The following GDA variants were observed in gnomAD, a reference collection of about 807,000 sequenced individuals.
GDA encodes the protein guanine deaminase.
Under a neutral mutation model 59.6 loss-of-function variants are expected in GDA, and 18 were observed. The ratio of observed to expected loss-of-function variants is 0.30; its 90% confidence interval spans 0.21 to 0.45. The LOEUF (loss-of-function observed/expected upper bound fraction) is 0.45, where lower values mean the gene tolerates loss of function less well. Ranked by LOEUF, GDA falls within the 20% of genes least tolerant of loss-of-function variation. The probability of loss-of-function intolerance (pLI) is 1.00; values close to 1 mark genes in which losing one functional copy is unlikely to be tolerated. For synonymous variants in GDA, 201 were observed against 201.1 expected (o/e 1.00, Z 0.00); for missense variants, 427 against 552.3 (o/e 0.77, Z 2.27).
intron 5 of GDA, 145 bp from the exon 6 acceptor site, chr9:72,219,334 C>T (rs1160891949): frequency 2.4e-5 from 13 of 552,798 alleles, no homozygotes; most frequent in South Asian, 8.5e-5. Context: ...ACCCGGGAGG[C>T]GGAGCTTGCA....
intron 6 of GDA, among the ~76,000 whole-genome samples, chr9:72,222,698 G>T (rs779275379): frequency 6.6e-6 from 1 of 151,572 alleles, no homozygotes; most frequent in Admixed American, 6.6e-5. Flanking sequence ...TTTTGTTGTT[G>T]TTTGGTTGGT....
intron 3 of GDA, among the ~76,000 whole-genome samples, chr9:72,203,975 C>A (rs1834346285): frequency 6.6e-6 from 1 of 152,008 alleles, no homozygotes; most frequent in Admixed American, 6.6e-5. Context: ...TGCCACCACA[C>A]CCAGCTAATT....
At chr9:72,234,654 T>G (rs1014570091) in intron 10 of GDA, among the ~76,000 whole-genome samples, 1 of 152,180 alleles carries the variant, frequency 6.6e-6, no homozygotes, top group African/African-American at 2.4e-5. Context: ...CTTTGAAGGG[T>G]AAATCTTTTC....
intron 1 of GDA, among the ~76,000 whole-genome samples, chr9:72,165,001 A>AG (rs1465005432): frequency 6.6e-6 from 1 of 151,820 alleles, no homozygotes; most frequent in Non-Finnish European, 1.5e-5. Flanking sequence ...AAAAAAAAAA[A>AG]AAAATGCTCT....
At chr9:72,127,785 T>TG (rs2130602054) in intron 1 of GDA, among the ~76,000 whole-genome samples, 1 of 152,332 alleles carries the variant, frequency 6.6e-6, no homozygotes, top group South Asian at 2.1e-4. Flanking sequence ...AATGAAATAA[T>TG]GCATGAGACT....
upstream of GDA, among the ~76,000 whole-genome samples, chr9:72,144,412 A>G (rs1826548454): frequency 2.0e-5 from 3 of 152,226 alleles, no homozygotes; most frequent in South Asian, 6.2e-4. Flanking sequence ...GGGAAATGTT[A>G]CAGTAATACT....
At chr9:72,196,835 A>G (rs1166803348) in intron 2 of GDA, among the ~76,000 whole-genome samples, 1 of 151,478 alleles carries the variant, frequency 6.6e-6, no homozygotes, top group African/African-American at 2.4e-5. Flanking sequence ...GAATGAGAAC[A>G]TGCGGTGTTT....
chr9:72,238,653 A>G (rs1839281058), intron 10 of GDA, among the ~76,000 whole-genome samples: 1 of 152,202 alleles, frequency 6.6e-6, no homozygotes, highest in African/African-American at 2.4e-5. Flanking sequence ...CTCTTGCATA[A>G]TTTTGTTAGA....
intron 5 of GDA, among the ~76,000 whole-genome samples, chr9:72,219,085 T>C (rs1836508606): frequency 6.6e-6 from 1 of 152,168 alleles, no homozygotes; most frequent in African/African-American, 2.4e-5. Context: ...GTAAGAATCA[T>C]GTTTTTATCT....
intron 1 of GDA, among the ~76,000 whole-genome samples, chr9:72,195,161 G>A (rs1832998346): frequency 6.6e-6 from 1 of 152,144 alleles, no homozygotes; most frequent in African/African-American, 2.4e-5. Flanking sequence ...TGGTGTCCTT[G>A]CAGGGGGTGA....
intron 13 of GDA, among the ~76,000 whole-genome samples, chr9:72,247,801 C>T (rs1840310490): frequency 6.6e-6 from 1 of 152,202 alleles, no homozygotes; most frequent in African/African-American, 2.4e-5. Context: ...GATGTACTCA[C>T]ATTCAATTCC....
At chr9:72,170,736 C>T (rs1829862284) in intron 1 of GDA, among the ~76,000 whole-genome samples, 2 of 152,174 alleles carry the variant, frequency 1.3e-5, no homozygotes, top group South Asian at 4.1e-4. Flanking sequence ...TGTACCGGCC[C>T]ATGATAGGTG....
chr9:72,157,417 A>G (rs1055911360), intron 1 of GDA, among the ~76,000 whole-genome samples: 10 of 152,294 alleles, frequency 6.6e-5, no homozygotes, highest in South Asian at 2.1e-4. Context: ...TTGCAGCCCA[A>G]TGCACCCTCA....
chr9:72,149,887 T>A (rs1295376518), intron 1 of GDA, among the ~76,000 whole-genome samples: 1 of 152,026 alleles, frequency 6.6e-6, no homozygotes, highest in Non-Finnish European at 1.5e-5. Context: ...TTCCCAGAAG[T>A]CGGGAGCAGT....
chr9:72,225,708 A>G lies in GDA; in HGVS notation c.746A>G (p.Glu249Gly). The G allele has an allele frequency of 6.5e-7, 1 of 1,539,472 alleles. No individual in the cohort carries two copies. The highest frequency in any genetic ancestry group is 8.9e-7 in the Non-Finnish European group (1 of 1,119,262). The change falls in exon 8 of 14, where the codon GAA (glutamate) becomes GGA (glycine). Residue 249 changes from glutamate (E) to glycine (G), a missense_variant. Transcript: ENST00000358399. ...SHISENRDEVEAVKNLYPSYK... is the reference protein window; with the variant it reads ...SHISENRDEVGAVKNLYPSYK... ...ATAAGTGAAAATCGTGATGAAGTTG[A>G]AGCTGTGAAAAACTTATACCCCAGT...
At chr9:72,165,995 T>C (rs1829267342) in intron 1 of GDA, among the ~76,000 whole-genome samples, 1 of 152,126 alleles carries the variant, frequency 6.6e-6, no homozygotes, top group Non-Finnish European at 1.5e-5. Flanking sequence ...TTACCCCTCC[T>C]TCTGTTCTTC....
chr9:72,146,486 A>G (rs1826637221), upstream of GDA, among the ~76,000 whole-genome samples: 1 of 151,836 alleles, frequency 6.6e-6, no homozygotes, highest in South Asian at 2.1e-4. Flanking sequence ...AGGACCAGCA[A>G]TTTAAAGGAG....
At chr9:72,241,812 G>T (rs1839641443) in intron 11 of GDA, among the ~76,000 whole-genome samples, 1 of 152,186 alleles carries the variant, frequency 6.6e-6, no homozygotes, top group South Asian at 2.1e-4. Context: ...AGGATCATCT[G>T]AACCCGGGGA....
In GDA at chr9:72,248,348, T is replaced by C. The variant is rs765739496; in HGVS notation, c.*6T>C. On this transcript the variant is annotated 3_prime_UTR_variant, in exon 14 of 14. Coordinates refer to ENST00000358399, the MANE Select transcript of GDA (RefSeq NM_004293.5). ...CGTTTTCCAGCTCAGTGTAAGACCC[T>C]CGGGCGTCTACAAAGTTCTCCTGGG... 1 of 1,613,454 alleles carries C rather than the reference T, an allele frequency of 6.2e-7. No homozygotes were observed. The highest frequency in any genetic ancestry group is 8.5e-7 in the Non-Finnish European group (1 of 1,179,426).
Sources: gnomAD v4.1 joint callset for allele counts (sites outside exome capture counted in the v4.1 genomes callset) on GRCh38, gnomAD v4.1.1 for gene constraint, MANE v1.5 for transcripts, NCBI Gene and HGNC (gene_info 2026-07-23, HGNC 2026-07-21) for gene names.